Variants in NUP214 observed in about 807,000 individuals in gnomAD.
NUP214 encodes the protein nuclear pore complex protein Nup214.
In NUP214, 79 loss-of-function variants were observed where a neutral mutation model predicts 196.2. The ratio of observed to expected loss-of-function variants is 0.40; its 90% CI spans 0.34 to 0.49. NUP214 has a LOEUF of 0.49. Among genes scored for constraint, NUP214 ranks in the 20% least tolerant of loss-of-function variants. The pLI, the probability that NUP214 is intolerant of heterozygous loss-of-function variation, is 0.58. For synonymous variants in NUP214, 1,020 were observed against 990.5 expected, an observed-to-expected ratio of 1.03 and a Z score of -0.56; for missense variants, 2,468 against 2,539.0, an observed-to-expected ratio of 0.97 and a Z score of 0.60.
intron 24 of NUP214, among the ~76,000 whole-genome samples, chr9:131,180,643 G>A (rs1172612963): frequency 1.3e-5 from 2 of 152,080 alleles, no homozygotes; most frequent in African/African-American, 2.4e-5. Flanking sequence ...TTTATCTGGC[G>A]CCAACCCACA....
chr9:131,197,606 G>C lies in NUP214; in HGVS notation c.4112G>C (p.Gly1371Ala). The C allele has an allele frequency of 6.2e-7, 1 of 1,614,106 alleles. No homozygotes were observed. ...ACCAAGACGTCAGGCGTGCCCTCAG[G>C]GTTTAATTTTACTGCCCCCCCGGTG... is the stretch of plus-strand genomic sequence containing the variant. Reference protein sequence around the residue: ...QPTKTSGVPSGFNFTAPPVLG... With the variant: ...QPTKTSGVPSAFNFTAPPVLG... Residue 1371 changes from glycine (G) to alanine (A), a missense_variant, in exon 29 of 36, where the codon GGG (glycine) becomes GCG (alanine). Gly to Ala is a moderately conservative substitution (Grantham distance 60). Coordinates refer to ENST00000359428, the MANE Select transcript of NUP214 (RefSeq NM_005085.4).
chr9:131,141,720 TCTTCTG>T (rs1421349852), intron 11 of NUP214: 2 of 152,184 alleles, frequency 1.3e-5, no homozygotes, highest in Non-Finnish European at 2.9e-5. Flanking sequence ...CTCATGTGAT[TCTTCTG>T]CTTCAGCCTC....
intron 30 of NUP214, among the ~76,000 whole-genome samples, chr9:131,202,567 G>A (rs188081176): frequency 6.6e-6 from 1 of 151,946 alleles, no homozygotes; most frequent in Admixed American, 6.6e-5. Flanking sequence ...GGGACTATAG[G>A]TTTGTGCCAC....
intron 24 of NUP214, among the ~76,000 whole-genome samples, chr9:131,185,140 G>C (rs1833417948): frequency 6.6e-6 from 1 of 152,182 alleles, no homozygotes; most frequent in Non-Finnish European, 1.5e-5. Context: ...TAAAGTTGGA[G>C]GGATCAATAG....
chr9:131,164,204 T>TGTGCGCGCGCACATGCACGTGTGC (rs1311327370), intron 21 of NUP214, 60 bp downstream of exon 21: 1 of 1,493,722 alleles, frequency 6.7e-7, no homozygotes, highest in African/African-American at 1.4e-5. Context: ...GGTGTGTGTG[T>TGTGCGCGCGCACATGCACGTGTGC]GTGCGCGCGC....
rs1232937019 is a variant in NUP214, at chr9:131,126,071, G to T, written c.45+322G>T. ...GTGGTAGTCATCGCGGCAGCCCTAC[G>T]AAGTAGTCGTTAACGTAGAGGAGTA... On this transcript the variant is annotated intron_variant, in intron 1 of 35. Transcript: ENST00000359428. The T allele has an allele frequency of 2.3e-5, 9 of 384,130 alleles. No homozygotes were observed. The East Asian group carries it at 4.3e-4, about 18-fold the overall frequency. The allele number at this position is 384,130 out of a possible 1,614,324, so 23.8% of individuals were successfully genotyped here. A position where few individuals can be genotyped will look rare whatever the true frequency, so the allele number is the denominator to read the frequency against.
chr9:131,190,451 G>A lies in NUP214; in HGVS notation c.3574+1320G>A, dbSNP rs751993251. 3 of 692,326 alleles carry A rather than the reference G, an allele frequency of 4.3e-6. No individual in the cohort carries two copies. The African/African-American group carries it at 5.3e-5, about 12-fold the overall frequency. 42.9% of individuals were successfully genotyped at this position (692,326 alleles called of 1,614,324 possible). On this transcript the variant is annotated intron_variant, in intron 26 of 35. Coordinates refer to ENST00000359428, the MANE Select transcript of NUP214 (RefSeq NM_005085.4). ...ATCATGAAATCCTCTCTTTTGTTAC[G>A]AGGTGTTCACTTCTGTTTTCACTTG...
intron 17 of NUP214, among the ~76,000 whole-genome samples, chr9:131,154,647 C>T (rs944568012): frequency 2.6e-5 from 4 of 152,186 alleles, no homozygotes; most frequent in South Asian, 2.1e-4. Context: ...GCGCCTGTTC[C>T]GTTGTATCAT....
At chr9:131,207,463 T>C (rs1208533130) in intron 30 of NUP214, among the ~76,000 whole-genome samples, 1 of 152,248 alleles carries the variant, frequency 6.6e-6, no homozygotes, top group Non-Finnish European at 1.5e-5. Flanking sequence ...ATTTGGCCTA[T>C]GTAGCCTGGG....
chr9:131,156,314 A>G (rs1357160846), intron 17 of NUP214, among the ~76,000 whole-genome samples: 1 of 151,730 alleles, frequency 6.6e-6, no homozygotes, highest in Non-Finnish European at 1.5e-5. Flanking sequence ...TTGTATTTTC[A>G]GTAGAGACGG....
rs547397975 is a variant in NUP214, at chr9:131,139,414, G to A, written c.1132+7G>A. On this transcript the variant is annotated splice_region_variant and intron_variant, in intron 10 of 35. Transcript: ENST00000359428. ...CAAGTGGAAATCACCATCAGTAAGT[G>A]TAGCCTGGTAGTTAGTGCAGAAATA... The A allele has an allele frequency of 6.2e-7, 1 of 1,602,170 alleles. No homozygotes were observed. Among genetic ancestry groups the A allele is most frequent in the East Asian group, 2.3e-5 (1 of 44,400 alleles).
Position 131,185,069 on chromosome 9 carries a change from G to C in NUP214, c.3420-2220G>C, listed in dbSNP as rs544049169. 3.3e-5 allele frequency among the ~76,000 whole-genome samples: 5 copies of C among 152,314 alleles called. No individual in the cohort carries two copies. The South Asian group carries it at 8.3e-4, about 25-fold the overall frequency. On this transcript the variant is annotated intron_variant, in intron 24 of 35. Coordinates refer to ENST00000359428, the MANE Select transcript of NUP214 (RefSeq NM_005085.4). ...TATGCTTTTTAAAATCCTGAAATAA[G>C]TTACAAGAAGTTGAGGCTTTTTACA...
Position 131,232,413 on chromosome 9 carries a change from GTT to G in NUP214, c.6239+109_6239+110del. ...GTGCATTTTCTTTTCGTTTTTTCCT[GTT>G]TTTAGAGTTTGTCCTGGAAGTGTGG... On this transcript the variant is annotated intron_variant, in intron 35 of 35. Coordinates refer to ENST00000359428, the MANE Select transcript of NUP214 (RefSeq NM_005085.4). The surrounding 1 kb of genome is among the most constrained non-coding windows in gnomAD (Gnocchi z 5.1). 8.2e-7 allele frequency: 1 copy of G among 1,219,006 alleles called. No individual in the cohort carries two copies. Among genetic ancestry groups the G allele is most frequent in the Non-Finnish European group, 1.2e-6 (1 of 825,770 alleles). 75.5% of individuals were successfully genotyped at this position (1,219,006 alleles called of 1,614,324 possible). A position where few individuals can be genotyped will look rare whatever the true frequency, so the allele number is the denominator to read the frequency against.
chr9:131,176,410 G>A (rs536256394), intron 23 of NUP214, among the ~76,000 whole-genome samples: 55 of 150,982 alleles, frequency 3.6e-4, no homozygotes, highest in African/African-American at 1.3e-3. Flanking sequence ...TGCAGCCTCC[G>A]TGATCTCCCG....
chr9:131,130,151 G>GTTTTTTTTTTTTTTTTTTTTT (rs56836232), intron 4 of NUP214, among the ~76,000 whole-genome samples: 1 of 109,200 alleles, frequency 9.2e-6, no homozygotes, highest in African/African-American at 3.6e-5. Flanking sequence ...TTTTTTTTTT[G>GTTTTTTTTTTTTTTTTTTTTT]TTTTTTTTTT....
In NUP214 at chr9:131,233,645, C is replaced by G; in HGVS notation, c.*158C>G. 1 of 769,476 alleles carries G rather than the reference C, an allele frequency of 1.3e-6. No individual in the cohort carries two copies. The highest frequency in any genetic ancestry group is 2.2e-6 in the Non-Finnish European group (1 of 450,030). The allele number at this position is 769,476 out of a possible 1,614,324, so 47.7% of individuals were successfully genotyped here. Reference sequence around the variant, plus strand: ...CCAAAACTCACAAGGCGCATGATTACTTGTTTTATATTTCATGTTGGGTTT... The same window carrying G: ...CCAAAACTCACAAGGCGCATGATTAGTTGTTTTATATTTCATGTTGGGTTT... On this transcript the variant is annotated 3_prime_UTR_variant, in exon 36 of 36. Transcript: ENST00000359428.
rs779771260 is a variant in NUP214 at position 131,135,992 on chromosome 9, C to T, written c.991C>T (p.Arg331Ter). The T allele has an allele frequency of 5.6e-6, 9 of 1,612,958 alleles. No individual in the cohort carries two copies. Among genetic ancestry groups the T allele is most frequent in the East Asian group, 2.2e-5 (1 of 44,878 alleles). The change falls in exon 9 of 36, where the codon CGA becomes TGA. Residue 331 changes from arginine to a stop codon, truncating the protein, a stop_gained. Transcript: ENST00000359428. LOFTEE classifies it high-confidence loss of function. ...TTCAACAGAAGTTAGTATCCTTGCT[C>T]GACAAAGTGATCAGGTAAATCTCTT... Reference protein sequence around the residue: ...AASTEVSILARQSDQINWESW... With the variant: ...AASTEVSILA
At position 131,198,376 on chromosome 9, in the gene NUP214, C is replaced by G; in HGVS notation, c.4882C>G (p.Pro1628Ala). 1.9e-6 allele frequency: 3 copies of G among 1,614,252 alleles called. No individual in the cohort carries two copies. Among genetic ancestry groups the G allele is most frequent in the Non-Finnish European group, 2.5e-6 (3 of 1,180,048 alleles). The change falls in exon 29 of 36, where the codon CCA (proline) becomes GCA (alanine). Residue 1628 changes from proline to alanine, a missense_variant. Pro to Ala is a conservative substitution (Grantham distance 27, BLOSUM62 -1). Around this residue, in one of 5 missense-constraint regions of NUP214, gnomAD observed 1,801 missense variants for 1,779.4 expected, o/e 1.01. Transcript: ENST00000359428. ...CACCACGTCCATTGTTGCTCCCGGC[C>G]CATCTGCAGAGGCAGCAGCATTTGG... ...SSTTSIVAPG[P>A]SAEAAAFGTV...
Position 131,232,234 on chromosome 9 carries a change from G to A in NUP214, c.6215-50G>A. The A allele has an allele frequency of 6.2e-7, 1 of 1,611,318 alleles. No homozygotes were observed. Among genetic ancestry groups the A allele is most frequent in the Non-Finnish European group, 8.5e-7 (1 of 1,177,436 alleles). ...GACACTTAGCATGGGGACCACCTTT[G>A]TCTTTCGAGTGGATGCGTGCTTTAA... On this transcript the variant is annotated intron_variant, in intron 34 of 35. Transcript: ENST00000359428. The surrounding 1 kb of genome is among the most constrained non-coding windows in gnomAD (Gnocchi z 5.1).
Sources: gnomAD v4.1 joint callset for allele counts (sites outside exome capture counted in the v4.1 genomes callset) on GRCh38, gnomAD v4.1.1 for gene constraint, gnomAD v4.1.1 regional missense constraint, Gnocchi (gnomAD v3.1) non-coding constraint, MANE v1.5 for transcripts, NCBI Gene and HGNC (gene_info 2026-07-23, HGNC 2026-07-21) for gene names.